Variants in NRG3 observed in about 807,000 individuals in gnomAD.
The protein encoded by NRG3 is pro-neuregulin-3, membrane-bound isoform.
In NRG3, 31 loss-of-function variants were observed where a neutral mutation model predicts 66.9. The ratio of observed to expected loss-of-function variants is 0.46; its 90% confidence interval spans 0.35 to 0.63. NRG3 has a LOEUF of 0.63. Ranked by LOEUF, NRG3 falls within the 20% of genes least tolerant of loss-of-function variation. The pLI is 0.00. For synonymous variants in NRG3, 393 were observed against 359.4 expected (o/e 1.09, Z -1.06); for missense variants, 910 against 878.9 (o/e 1.04, Z -0.45).
chr10:82,576,185 C>T (rs1456571487), intron 2 of NRG3, among the ~76,000 whole-genome samples: 1 of 151,446 alleles, frequency 6.6e-6, no homozygotes, highest in Non-Finnish European at 1.5e-5. Flanking sequence ...TTAATTTTGG[C>T]AGTCTCTTCT....
chr10:82,810,591 C>T (rs938637838), intron 3 of NRG3, among the ~76,000 whole-genome samples: 17 of 151,850 alleles, frequency 1.1e-4, no homozygotes, highest in Middle Eastern at 3.4e-3. Flanking sequence ...GGTGAAACCC[C>T]GTCTCTACTA....
chr10:82,361,534 AT>A, intron 2 of NRG3, among the ~76,000 whole-genome samples: 1 of 152,316 alleles, frequency 6.6e-6, no homozygotes, highest in Non-Finnish European at 1.5e-5. Context: ...ACAGCACTCT[AT>A]TTAAGTAGTA....
rs951122903 is a variant in NRG3, at chr10:82,277,450, A to G, written c.824-81289A>G. On this transcript the variant is annotated intron_variant, in intron 1 of 8. Transcript: ENST00000372141. Reference sequence around the variant, plus strand: ...ACTTATAGATAATTCAGGCATTGACATATGTATTATGTCATTTGCAAATGA... The same window carrying G: ...ACTTATAGATAATTCAGGCATTGACGTATGTATTATGTCATTTGCAAATGA... Among the ~76,000 whole-genome samples the G allele has an allele frequency of 6.6e-5, 10 of 152,110 alleles. 1 individual carries two copies. Among genetic ancestry groups the G allele is most frequent in the Admixed American group, 2.0e-4 (3 of 15,242 alleles).
intron 3 of NRG3, among the ~76,000 whole-genome samples, chr10:82,851,787 T>C (rs1180027308): frequency 6.6e-6 from 1 of 152,162 alleles, no homozygotes; most frequent in Non-Finnish European, 1.5e-5. Flanking sequence ...CCAGGAATTG[T>C]CCTGAAATTT....
At chr10:81,974,695 G>A (rs1283342826) in intron 1 of NRG3, among the ~76,000 whole-genome samples, 1 of 152,038 alleles carries the variant, frequency 6.6e-6, no homozygotes, top group East Asian at 1.9e-4. Context: ...TCTGAGAGTG[G>A]AGTTTTTGGC....
chr10:82,632,353 A>T (rs2049902188), intron 2 of NRG3, among the ~76,000 whole-genome samples: 1 of 152,178 alleles, frequency 6.6e-6, no homozygotes, highest in African/African-American at 2.4e-5. Flanking sequence ...GCTTTCTCCC[A>T]GGCCCCTGAT....
At chr10:82,115,901 A>G (rs577397139) in intron 1 of NRG3, among the ~76,000 whole-genome samples, 5 of 152,204 alleles carry the variant, frequency 3.3e-5, no homozygotes, top group South Asian at 4.2e-4. Flanking sequence ...ACTCTCCTAC[A>G]TGGATGGAGA....
At chr10:81,919,865 C>G (rs1485262720) in intron 1 of NRG3, among the ~76,000 whole-genome samples, 1 of 152,070 alleles carries the variant, frequency 6.6e-6, no homozygotes, top group Non-Finnish European at 1.5e-5. Flanking sequence ...GTGAGTGCAG[C>G]CAACCAGGAA....
intron 3 of NRG3, among the ~76,000 whole-genome samples, chr10:82,761,413 A>G (rs907909404): frequency 2.0e-5 from 3 of 152,126 alleles, no homozygotes; most frequent in Non-Finnish European, 1.5e-5. Context: ...TAACCCAAAT[A>G]CTTTCCTATT....
intron 1 of NRG3, among the ~76,000 whole-genome samples, chr10:82,047,748 C>A (rs1027354661): frequency 6.6e-5 from 10 of 151,098 alleles, no homozygotes; most frequent in African/African-American, 2.2e-4. Context: ...TCACACATAA[C>A]AATATTAACT....
chr10:82,939,441 G>T lies in NRG3; in HGVS notation c.1055-12028G>T, dbSNP rs775836594. Among the ~76,000 whole-genome samples the T allele has an allele frequency of 3.7e-4, 56 of 151,332 alleles. 1 individual carries two copies. Among genetic ancestry groups the T allele is most frequent in the Non-Finnish European group, 6.8e-4 (46 of 67,922 alleles). ...TTTCAGTTTTTCCTTTGTTGTTGTT[G>T]TTGTTTGTTGTTGTTGTTATTGGTT... On this transcript the variant is annotated intron_variant, in intron 4 of 8. Transcript: ENST00000372141.
At chr10:82,377,285 G>A (rs567951948) in intron 2 of NRG3, among the ~76,000 whole-genome samples, 49 of 152,266 alleles carry the variant, frequency 3.2e-4, no homozygotes, top group Admixed American at 1.0e-3. Context: ...TATAGGCAGG[G>A]ACAACAAGGA....
intron 2 of NRG3, among the ~76,000 whole-genome samples, chr10:82,410,067 G>A (rs1415483357): frequency 6.6e-6 from 1 of 152,052 alleles, no homozygotes; most frequent in Non-Finnish European, 1.5e-5. Flanking sequence ...ATACCGTATT[G>A]TTGAAAGCAG....
At chr10:82,783,637 A>T (rs2060213959) in intron 3 of NRG3, among the ~76,000 whole-genome samples, 1 of 152,134 alleles carries the variant, frequency 6.6e-6, no homozygotes, top group South Asian at 2.1e-4. Context: ...ATACCTAGGA[A>T]TCCAACTTAC....
At chr10:82,620,659 G>A (rs1196393820) in intron 2 of NRG3, among the ~76,000 whole-genome samples, 4 of 152,122 alleles carry the variant, frequency 2.6e-5, no homozygotes, top group Admixed American at 6.6e-5. Flanking sequence ...GTAAAAAGAC[G>A]TTATTCAAAA....
chr10:82,713,447 C>T (rs1337424931), intron 2 of NRG3, among the ~76,000 whole-genome samples: 2 of 152,044 alleles, frequency 1.3e-5, no homozygotes, highest in African/African-American at 4.8e-5. Flanking sequence ...GACTCTCCTA[C>T]CATTGGATAA....
At chr10:81,881,747 G>A (rs1842200173) in intron 1 of NRG3, among the ~76,000 whole-genome samples, 1 of 151,988 alleles carries the variant, frequency 6.6e-6, no homozygotes, top group Admixed American at 6.6e-5. Context: ...CTTGATGTTA[G>A]GGCGAAGGCT....
intron 1 of NRG3, among the ~76,000 whole-genome samples, chr10:82,136,775 A>G (rs1358158379): frequency 1.3e-5 from 2 of 152,136 alleles, no homozygotes; most frequent in Non-Finnish European, 2.9e-5. Context: ...CCCTCTGGCT[A>G]GGGCTGGTAT....
chr10:82,961,457 A>G (rs1850631833), intron 6 of NRG3, among the ~76,000 whole-genome samples: 1 of 152,220 alleles, frequency 6.6e-6, no homozygotes, highest in African/African-American at 2.4e-5. Flanking sequence ...GAAAATAGAA[A>G]TGGGATTTGG....
Sources: allele counts gnomAD v4.1 joint callset (sites outside exome capture counted in the v4.1 genomes callset), GRCh38; gene constraint gnomAD v4.1.1; transcripts MANE v1.5; gene names NCBI Gene and HGNC (gene_info 2026-07-23, HGNC 2026-07-21).